The following SLC35C1 variants were observed in gnomAD, a reference collection of about 807,000 sequenced individuals.
The protein encoded by SLC35C1 is solute carrier family 35 member C1.
Under a neutral mutation model 23.2 loss-of-function variants are expected in SLC35C1, and 8 were observed. The observed-to-expected ratio is 0.35, with a 90% confidence interval of 0.20 to 0.62. The LOEUF (loss-of-function observed/expected upper bound fraction) is 0.62. Ranked by LOEUF, SLC35C1 falls within the 20% of genes least tolerant of loss-of-function variation. SLC35C1 has a pLI of 0.75. For missense variants in SLC35C1, 422 were observed against 478.6 expected, an observed-to-expected ratio of 0.88 and a Z score of 1.10; for synonymous variants, 226 against 225.1, an observed-to-expected ratio of 1.00 and a Z score of -0.04.
Position 45,811,452 on chromosome 11 carries a change from A to T in SLC35C1, c.*117A>T. 5.1e-6 allele frequency: 4 copies of T among 788,778 alleles called. No homozygotes were observed. The highest frequency in any genetic ancestry group is 7.7e-6 in the Non-Finnish European group (4 of 516,222). 48.9% of individuals were successfully genotyped at this position (788,778 alleles called of 1,614,324 possible). On this transcript the variant is annotated 3_prime_UTR_variant, in exon 2 of 2. Transcript: ENST00000314134. ...CGTGCTGTGGTGTGGACTGGGTGCT[A>T]CTTATAGACCCAATCAGAATACGGT...
chr11:45,810,858 C>G lies in SLC35C1; in HGVS notation c.618C>G (p.Ser206Arg). The part of the protein sequence containing the change: ...WLGTVFGVLA[S>R]LCVSLNAIYT... Reference sequence around the variant, plus strand: ...GCACCGTCTTCGGCGTGCTGGCTAGCCTCTGTGTCTCGCTCAACGCCATCT... The same window carrying G: ...GCACCGTCTTCGGCGTGCTGGCTAGGCTCTGTGTCTCGCTCAACGCCATCT... The change falls in exon 2 of 2, where the codon AGC (serine) becomes AGG (arginine). Residue 206 changes from serine to arginine, a missense_variant. Ser to Arg is a moderately radical substitution (Grantham distance 110). Transcript: ENST00000314134. The G allele has an allele frequency of 6.2e-7, 1 of 1,611,784 alleles. No individual in the cohort carries two copies. The highest frequency in any genetic ancestry group is 8.5e-7 in the Non-Finnish European group (1 of 1,179,836).
At chr11:45,809,054 T>C (rs748440596) in intron 1 of SLC35C1, among the ~76,000 whole-genome samples, 1 of 152,240 alleles carries the variant, frequency 6.6e-6, no homozygotes, top group Non-Finnish European at 1.5e-5. Context: ...GCCTATGATG[T>C]AGGAAGTATC....
At position 45,812,837 on chromosome 11, in the gene SLC35C1, G is replaced by A. The variant is rs2085965838; in HGVS notation, c.*1502G>A. Reference sequence around the variant, plus strand: ...TCCCTGGCCCTTCTGGTGGGCATTTGGTATGTCCTTTCTCTTGGGGTGATT... The same window carrying A: ...TCCCTGGCCCTTCTGGTGGGCATTTAGTATGTCCTTTCTCTTGGGGTGATT... On this transcript the variant is annotated 3_prime_UTR_variant, in exon 2 of 2. Transcript: ENST00000314134. 1 of 358,542 alleles carries A rather than the reference G, an allele frequency of 2.8e-6. No homozygotes were observed. Among genetic ancestry groups the A allele is most frequent in the Non-Finnish European group, 5.5e-6 (1 of 181,082 alleles). 22.2% of individuals were successfully genotyped at this position (358,542 alleles called of 1,614,324 possible). A position where few individuals can be genotyped will look rare whatever the true frequency, so the allele number is the denominator to read the frequency against.
upstream of SLC35C1, chr11:45,804,469 G>A (rs2085845121): frequency 1.0e-6 from 1 of 985,790 alleles, no homozygotes; most frequent in Non-Finnish European, 1.2e-6. Context: ...CAGGGACGCG[G>A]GAGCTGATGC....
chr11:45,804,689 T>C (rs73466377), upstream of SLC35C1: 22,961 of 981,564 alleles, frequency 0.023, 1,417 homozygotes, highest in African/African-American at 0.22. Context: ...GCGGTGAAAA[T>C]GGGGGGAAAG....
chr11:45,807,875 A>G (rs542244806), intron 1 of SLC35C1, among the ~76,000 whole-genome samples: 2 of 151,994 alleles, frequency 1.3e-5, no homozygotes, highest in Admixed American at 1.3e-4. Flanking sequence ...AGGGCTCTCT[A>G]CTTCATTCCT....
At position 45,812,917 on chromosome 11, in the gene SLC35C1, C is replaced by G. The variant is rs189120012; in HGVS notation, c.*1582C>G. On this transcript the variant is annotated 3_prime_UTR_variant, in exon 2 of 2. Coordinates refer to ENST00000314134, the MANE Select transcript of SLC35C1 (RefSeq NM_018389.5). ...GCTAGGGAGAGCGGGTCTTCTCCCC[C>G]CTCCCTCTCCAGTCCCCTCACAATC... 48 of 304,708 alleles carry G rather than the reference C, an allele frequency of 1.6e-4. No homozygotes were observed. The highest frequency in any genetic ancestry group is 1.3e-3 in the Admixed American group (32 of 25,512). The allele number at this position is 304,708 out of a possible 1,614,324, so 18.9% of individuals were successfully genotyped here.
Position 45,805,715 on chromosome 11 carries a change from C to T in SLC35C1, c.-87C>T, listed in dbSNP as rs1291945934. 5 of 1,596,108 alleles carry T rather than the reference C, an allele frequency of 3.1e-6. No individual in the cohort carries two copies. Among genetic ancestry groups the T allele is most frequent in the Non-Finnish European group, 4.2e-6 (5 of 1,178,656 alleles). The stretch of plus-strand genomic sequence containing the variant: ...ATGTGACAATGGAGGGCTGCGGCTT[C>T]CTTGCGGAGAGCACAAGTGAGCTCA... On this transcript the variant is annotated 5_prime_UTR_variant, in exon 1 of 2. Coordinates refer to ENST00000314134, the MANE Select transcript of SLC35C1 (RefSeq NM_018389.5).
rs1372586723 is a variant in SLC35C1 at position 45,812,313 on chromosome 11, C to A, written c.*978C>A. 1 of 350,364 alleles carries A rather than the reference C, an allele frequency of 2.9e-6. No homozygotes were observed. Among genetic ancestry groups the A allele is most frequent in the African/African-American group, 2.1e-5 (1 of 46,774 alleles). 21.7% of individuals were successfully genotyped at this position (350,364 alleles called of 1,614,324 possible). Reference sequence around the variant, plus strand: ...TGCAAGGGAGGTGTTACAGCTGGTTCTGAGCCGCTTGCCTTGTGATGGTAA... The same window carrying A: ...TGCAAGGGAGGTGTTACAGCTGGTTATGAGCCGCTTGCCTTGTGATGGTAA... On this transcript the variant is annotated 3_prime_UTR_variant, in exon 2 of 2. Coordinates refer to ENST00000314134, the MANE Select transcript of SLC35C1 (RefSeq NM_018389.5).
At chr11:45,810,192 T>C in intron 1 of SLC35C1, 7 of 985,364 alleles carry the variant, frequency 7.1e-6, no homozygotes, top group Non-Finnish European at 8.4e-6. Context: ...GAGCAGGAAG[T>C]GACACAAGAT....
At position 45,811,063 on chromosome 11, in the gene SLC35C1, C is replaced by G; in HGVS notation, c.823C>G (p.Leu275Val). The change falls in exon 2 of 2, where the codon CTG becomes GTG. Residue 275 changes from leucine to valine, a missense_variant. Leu to Val is a conservative substitution (Grantham distance 32, BLOSUM62 1). Transcript: ENST00000314134. ...CTGGGGGATGATGACGCTGGGCGGC[C>G]TGTTTGGCTTTGCCATCGGCTACGT... Reference protein sequence around the residue: ...HFWGMMTLGGLFGFAIGYVTG... With the variant: ...HFWGMMTLGGVFGFAIGYVTG... 6.2e-7 allele frequency: 1 copy of G among 1,613,266 alleles called. No individual in the cohort carries two copies. The highest frequency in any genetic ancestry group is 1.3e-5 in the African/African-American group (1 of 75,072).
At chr11:45,808,369 C>T (rs1416406748) in intron 1 of SLC35C1, among the ~76,000 whole-genome samples, 2 of 152,072 alleles carry the variant, frequency 1.3e-5, no homozygotes, top group African/African-American at 2.4e-5. Flanking sequence ...GGCGTGGTGG[C>T]ATGTGCCTGT....
chr11:45,806,353 G>A lies in SLC35C1; in HGVS notation c.535+17G>A, dbSNP rs1376546615. ...TCATCATCGGTGAGTGGCAGCTGGG[G>A]CCACGGGGGATAGAGTGGTCATGGG... On this transcript the variant is annotated intron_variant, in intron 1 of 1. Transcript: ENST00000314134. 2.5e-6 allele frequency: 4 copies of A among 1,611,192 alleles called. No individual in the cohort carries two copies. Among genetic ancestry groups the A allele is most frequent in the South Asian group, 1.1e-5 (1 of 90,984 alleles).
In SLC35C1 at chr11:45,805,861, AG is replaced by A. The variant is rs2085865517; in HGVS notation, c.61del (p.Asp21ThrfsTer63). 1 of 1,614,018 alleles carries A rather than the reference AG, an allele frequency of 6.2e-7. No homozygotes were observed. The highest frequency in any genetic ancestry group is 1.3e-5 in the African/African-American group (1 of 74,932). ...ILHMALTGAS[D>X]PSAEAEANGE... Reference sequence around the variant, plus strand: ...TGCACATGGCGCTGACCGGGGCCTCAGACCCCTCTGCAGAGGCAGAGGCCAA... The same window carrying A: ...TGCACATGGCGCTGACCGGGGCCTCAACCCCTCTGCAGAGGCAGAGGCCAA... On this transcript the variant is annotated frameshift_variant, in exon 1 of 2. Transcript: ENST00000314134. LOFTEE classifies it high-confidence loss of function.
chr11:45,804,493 G>C (rs1041459095), upstream of SLC35C1: 28 of 985,690 alleles, frequency 2.8e-5, no homozygotes, highest in Non-Finnish European at 3.1e-5. Context: ...TGGACCGGCC[G>C]GGGAAACAGT....
intron 1 of SLC35C1, chr11:45,809,796 G>A (rs1431975268): frequency 2.0e-6 from 2 of 985,326 alleles, no homozygotes; most frequent in African/African-American, 3.5e-5. Flanking sequence ...AGTATAACAT[G>A]CATTGTTCAG....
intron 1 of SLC35C1, among the ~76,000 whole-genome samples, chr11:45,808,997 C>T (rs903764835): frequency 1.3e-5 from 2 of 152,174 alleles, no homozygotes; most frequent in African/African-American, 4.8e-5. Flanking sequence ...AGCGAGACTC[C>T]GTCTCAAAAA....
chr11:45,811,228 G>A lies in SLC35C1; in HGVS notation c.988G>A (p.Val330Met), dbSNP rs370865105. The A allele has an allele frequency of 6.2e-7, 1 of 1,606,458 alleles. No homozygotes were observed. The highest frequency in any genetic ancestry group is 8.5e-7 in the Non-Finnish European group (1 of 1,175,446). ...SFLWWTSNMMVLGGSSAYTWV... is the reference protein window; with the variant it reads ...SFLWWTSNMMMLGGSSAYTWV... The stretch of plus-strand genomic sequence containing the variant: ...CCTCTGGTGGACGAGCAACATGATG[G>A]TGCTGGGCGGCTCCTCCGCCTACAC... The change falls in exon 2 of 2, where the codon GTG becomes ATG. Residue 330 changes from valine (V) to methionine (M), a missense_variant. By Grantham distance (21) the Val-to-Met change is conservative. Coordinates refer to ENST00000314134, the MANE Select transcript of SLC35C1 (RefSeq NM_018389.5).
chr11:45,810,243 C>A, intron 1 of SLC35C1: 1 of 985,426 alleles, frequency 1.0e-6, no homozygotes, highest in Non-Finnish European at 1.2e-6. Context: ...ACAAGAGATT[C>A]TAACTTAATG....
Sources: gnomAD v4.1 joint callset for allele counts (sites outside exome capture counted in the v4.1 genomes callset) on GRCh38, gnomAD v4.1.1 for gene constraint, MANE v1.5 for transcripts, NCBI Gene and HGNC (gene_info 2026-07-23, HGNC 2026-07-21) for gene names.